The following SSH2 variants were observed in gnomAD, a reference collection of about 807,000 sequenced individuals.
The protein encoded by SSH2 is protein phosphatase Slingshot homolog 2.
Under a neutral mutation model 135.2 loss-of-function variants are expected in SSH2, and 37 were observed. The observed-to-expected ratio is 0.27, with a 90% confidence interval of 0.21 to 0.36. The LOEUF is 0.36. SSH2 is among the 10% of genes least tolerant of loss of function. The pLI, the probability that SSH2 is intolerant of heterozygous loss-of-function variation, is 1.00. For missense variants in SSH2, 1,408 were observed against 1,765.3 expected, an observed-to-expected ratio of 0.80 and a Z score of 3.63; for synonymous variants, 628 against 646.2, an observed-to-expected ratio of 0.97 and a Z score of 0.43.
intron 3 of SSH2, among the ~76,000 whole-genome samples, chr17:29,766,020 C>CA (rs56037567): frequency 0.025 from 2,493 of 100,534 alleles, 130 homozygotes; most frequent in Middle Eastern, 0.092. Context: ...ACTCCGTCTC[C>CA]AAAAAAAAAA....
At chr17:29,877,936 T>C (rs1021448230) in intron 1 of SSH2, among the ~76,000 whole-genome samples, 2 of 151,912 alleles carry the variant, frequency 1.3e-5, no homozygotes, top group African/African-American at 2.4e-5. Context: ...AATTAAAAAA[T>C]TAGCCAGGCA....
chr17:29,766,468 AT>A (rs1445394257), intron 3 of SSH2, among the ~76,000 whole-genome samples: 59 of 151,656 alleles, frequency 3.9e-4, no homozygotes, highest in African/African-American at 1.0e-3. Flanking sequence ...AAAAAAAAAA[AT>A]AATAATAATA....
chr17:29,682,265 T>C (rs1358629982), intron 6 of SSH2, among the ~76,000 whole-genome samples: 1 of 152,210 alleles, frequency 6.6e-6, no homozygotes, highest in Non-Finnish European at 1.5e-5. Context: ...ATGAGGTTCC[T>C]GTTCCTGTTT....
At chr17:29,886,050 A>G (rs1316843974) in intron 1 of SSH2, among the ~76,000 whole-genome samples, 1 of 152,212 alleles carries the variant, frequency 6.6e-6, no homozygotes, top group African/African-American at 2.4e-5. Context: ...ATGTGGAAGC[A>G]ACTTTGGAAC....
rs147795366 is a variant in SSH2, at chr17:29,852,148, G to A, written c.64-3219C>T. ...AATACAAAAATTAGCCAGGTGTGGT[G>A]GTGCTCAATCGTAATCCCAGCTACT... On this transcript the variant is annotated intron_variant, in intron 1 of 15. Coordinates refer to ENST00000540801, the MANE Select transcript of SSH2 (RefSeq NM_001282129.2). 6.4e-4 allele frequency among the ~76,000 whole-genome samples: 97 copies of A among 151,778 alleles called. 3 individuals carry two copies. The East Asian group carries it at 0.018, about 29-fold the overall frequency.
At chr17:29,738,274 T>G (rs990745280) in intron 3 of SSH2, among the ~76,000 whole-genome samples, 138 of 30,006 alleles carry the variant, frequency 4.6e-3, no homozygotes, top group East Asian at 0.045. Context: ...TTTTTATGGC[T>G]GCATAGTATT....
chr17:29,690,249 CAA>C (rs2151091436), intron 5 of SSH2, among the ~76,000 whole-genome samples: 1 of 151,098 alleles, frequency 6.6e-6, no homozygotes, highest in South Asian at 2.1e-4. Flanking sequence ...CCTAAAAATA[CAA>C]AAAATTAGCC....
intron 5 of SSH2, among the ~76,000 whole-genome samples, chr17:29,690,055 T>TCATCTAA (rs1347552294): frequency 5.6e-5 from 8 of 144,056 alleles, no homozygotes; most frequent in Non-Finnish European, 1.5e-5. Context: ...CTCCTCAGCA[T>TCATCTAA]CATCTAACAT....
intron 1 of SSH2, among the ~76,000 whole-genome samples, chr17:29,916,834 T>G (rs2066890301): frequency 6.6e-6 from 1 of 152,156 alleles, no homozygotes; most frequent in Non-Finnish European, 1.5e-5. Context: ...TTTATCCTAA[T>G]ACTTGCCTGA....
intron 1 of SSH2, among the ~76,000 whole-genome samples, chr17:29,913,356 A>AAAAAT (rs1567650094): frequency 2.8e-5 from 2 of 71,048 alleles, no homozygotes; most frequent in Non-Finnish European, 5.4e-5. Context: ...AAATATATAT[A>AAAAAT]TATATATATA....
chr17:29,849,006 C>A, intron 1 of SSH2, 77 bp from the exon 2 acceptor site: 1 of 942,108 alleles, frequency 1.1e-6, no homozygotes, highest in Non-Finnish European at 1.6e-6. Context: ...AAGCTGAAAT[C>A]ACTGAGTCAG....
intron 3 of SSH2, among the ~76,000 whole-genome samples, chr17:29,771,103 C>A (rs1217981395): frequency 6.6e-6 from 1 of 152,170 alleles, no homozygotes; most frequent in East Asian, 1.9e-4. Flanking sequence ...GTGATCAATT[C>A]CTGGTTTATA....
At chr17:29,723,593 A>T (rs952732251) in intron 3 of SSH2, among the ~76,000 whole-genome samples, 30 of 152,196 alleles carry the variant, frequency 2.0e-4, no homozygotes, top group African/African-American at 7.0e-4. Context: ...ACATGGCAGG[A>T]ATGGAAATGG....
At chr17:29,790,769 C>A (rs1429013727) in intron 3 of SSH2, among the ~76,000 whole-genome samples, 1 of 149,688 alleles carries the variant, frequency 6.7e-6, no homozygotes, top group African/African-American at 2.5e-5. Flanking sequence ...TGCTCTATTG[C>A]CCAGGCTGGA....
intron 9 of SSH2, among the ~76,000 whole-genome samples, chr17:29,669,477 A>C (rs931171643): frequency 1.3e-5 from 2 of 152,200 alleles, no homozygotes; most frequent in South Asian, 4.1e-4. Flanking sequence ...TTTGTTTTAT[A>C]AGCTTTTCTA....
At chr17:29,765,072 T>C (rs1567959957) in intron 3 of SSH2, among the ~76,000 whole-genome samples, 1 of 152,248 alleles carries the variant, frequency 6.6e-6, no homozygotes, top group Non-Finnish European at 1.5e-5. Context: ...GGTCACTTAA[T>C]AAACTAAGAC....
intron 3 of SSH2, among the ~76,000 whole-genome samples, chr17:29,717,819 G>C (rs2039678999): frequency 6.6e-6 from 1 of 152,196 alleles, no homozygotes; most frequent in Non-Finnish European, 1.5e-5. Context: ...AGGATCACTT[G>C]AGCCCAGGAG....
At chr17:29,917,976 T>C (rs1022408743) in intron 1 of SSH2, among the ~76,000 whole-genome samples, 3 of 151,740 alleles carry the variant, frequency 2.0e-5, no homozygotes, top group African/African-American at 7.3e-5. Flanking sequence ...GCCCATGAGT[T>C]TGAGACCAGC....
At chr17:29,652,502 A>C (rs926290688) in intron 12 of SSH2, among the ~76,000 whole-genome samples, 3 of 152,150 alleles carry the variant, frequency 2.0e-5, no homozygotes, top group African/African-American at 7.2e-5. Context: ...AAAAACCAAC[A>C]AATTATACAT....
Sources: allele counts gnomAD v4.1 joint callset (sites outside exome capture counted in the v4.1 genomes callset), GRCh38; gene constraint gnomAD v4.1.1; transcripts MANE v1.5; gene names NCBI Gene and HGNC (gene_info 2026-07-23, HGNC 2026-07-21).